The following ERCC6L2 variants were observed in gnomAD, a reference collection of about 807,000 sequenced individuals.
ERCC6L2 encodes the protein DNA excision repair protein ERCC-6-like 2.
In ERCC6L2, 77 loss-of-function variants were observed where a neutral mutation model predicts 132.0. The observed-to-expected ratio is 0.58, with a 90% CI of 0.49 to 0.71. The LOEUF (loss-of-function observed/expected upper bound fraction) is 0.71. Ranked by LOEUF, ERCC6L2 falls within the 30% of genes least tolerant of loss-of-function variation. The probability of loss-of-function intolerance (pLI) is 0.00; values close to 1 mark genes in which losing one functional copy is unlikely to be tolerated. For synonymous variants in ERCC6L2, 583 were observed against 632.4 expected, an observed-to-expected ratio of 0.92 and a Z score of 1.17; for missense variants, 1,542 against 1,837.6, an observed-to-expected ratio of 0.84 and a Z score of 2.94.
At chr9:95,999,821 GTAAA>G (rs368171323) in intron 17 of ERCC6L2, among the ~76,000 whole-genome samples, 81 of 151,742 alleles carry the variant, frequency 5.3e-4, no homozygotes, top group African/African-American at 1.9e-3. Context: ...TTTTGTGATA[GTAAA>G]TAAATGCATC....
chr9:95,951,451 T>C lies in ERCC6L2; in HGVS notation c.1848-4463T>C, dbSNP rs763292211. 5.9e-5 allele frequency among the ~76,000 whole-genome samples: 9 copies of C among 151,880 alleles called. No individual in the cohort carries two copies. In the South Asian group the frequency reaches 6.2e-4, roughly 11 times the overall value. On this transcript the variant is annotated intron_variant, in intron 12 of 18. Coordinates refer to ENST00000653738, the MANE Select transcript of ERCC6L2 (RefSeq NM_020207.7). ...AGCCAGAGGAAGGAAATAACAAATATTAGAACAGAGATAAGTAAAACAAAG... is the reference window on the plus strand; with the variant it reads ...AGCCAGAGGAAGGAAATAACAAATACTAGAACAGAGATAAGTAAAACAAAG...
At chr9:95,953,263 G>C (rs912777679) in intron 12 of ERCC6L2, among the ~76,000 whole-genome samples, 2 of 152,278 alleles carry the variant, frequency 1.3e-5, no homozygotes, top group Middle Eastern at 3.4e-3. Flanking sequence ...GAAATCAAGA[G>C]AGAAAAATTT....
At chr9:95,910,715 C>T (rs1197101154) in intron 4 of ERCC6L2, among the ~76,000 whole-genome samples, 1 of 152,106 alleles carries the variant, frequency 6.6e-6, no homozygotes, top group African/African-American at 2.4e-5. Flanking sequence ...TATGGAGCTA[C>T]CACTTTTGTC....
intron 9 of ERCC6L2, 64 bp from the exon 10 acceptor site, chr9:95,928,015 T>C: frequency 9.6e-7 from 1 of 1,039,062 alleles, no homozygotes; most frequent in Non-Finnish European, 1.5e-6. Context: ...CAAGTGATGT[T>C]TATATGTATA....
intron 19 of ERCC6L2, among the ~76,000 whole-genome samples, chr9:96,037,238 T>A (rs1834530976): frequency 1.3e-5 from 2 of 152,196 alleles, no homozygotes; most frequent in South Asian, 4.1e-4. Context: ...CCCGTCCCTG[T>A]GCGTGGAGAG....
intron 2 of ERCC6L2, among the ~76,000 whole-genome samples, chr9:95,884,208 T>C (rs1827744474): frequency 6.6e-6 from 1 of 152,198 alleles, no homozygotes. Context: ...GCACTAATTT[T>C]GATACTCAGA....
chr9:95,910,587 G>A (rs998970644), intron 4 of ERCC6L2, among the ~76,000 whole-genome samples: 2 of 152,074 alleles, frequency 1.3e-5, no homozygotes, highest in South Asian at 2.1e-4. Context: ...CAGTATATCT[G>A]TTCTTAATAT....
At position 95,881,123 on chromosome 9, in the gene ERCC6L2, T is replaced by A. The variant is rs763229325; in HGVS notation, c.301T>A (p.Ser101Thr). The change falls in exon 2 of 19, where the codon TCA becomes ACA. Residue 101 changes from serine (S) to threonine (T), a missense_variant. Physicochemically the swap from Ser to Thr is moderately conservative, Grantham distance 58 (BLOSUM62 1). Around this residue, in one of 4 missense-constraint regions of ERCC6L2, gnomAD observed 153 missense variants for 132.3 expected, o/e 1.16. Coordinates refer to ENST00000653738, the MANE Select transcript of ERCC6L2 (RefSeq NM_020207.7). ...TTATTTCCCAAACCGAAAATTTCCA[T>A]CATCTTCTGTTGCTTTTAAATTATC... ...KPYFPNRKFP[S>T]SSVAFKLSDN... 1.9e-6 allele frequency: 3 copies of A among 1,613,630 alleles called. No homozygotes were observed. The African/African-American group carries it at 4.0e-5, about 22-fold the overall frequency.
chr9:95,980,201 CCTT>C (rs905343353), intron 17 of ERCC6L2, among the ~76,000 whole-genome samples: 37 of 152,232 alleles, frequency 2.4e-4, no homozygotes, highest in African/African-American at 8.9e-4. Context: ...TCATTAGAAA[CCTT>C]GTCTCTTCAC....
chr9:95,937,814 T>G (rs980288516), intron 11 of ERCC6L2, among the ~76,000 whole-genome samples: 41 of 151,854 alleles, frequency 2.7e-4, no homozygotes, highest in African/African-American at 9.6e-4. Context: ...GTTTTATTGA[T>G]TCTGCTTTTT....
intron 12 of ERCC6L2, among the ~76,000 whole-genome samples, chr9:95,948,259 G>T (rs188350186): frequency 6.6e-6 from 1 of 152,174 alleles, no homozygotes; most frequent in African/African-American, 2.4e-5. Flanking sequence ...TGAGGAGTTC[G>T]ACTTTAGTAG....
chr9:95,891,451 A>C (rs571927532), intron 2 of ERCC6L2, among the ~76,000 whole-genome samples: 3 of 152,022 alleles, frequency 2.0e-5, no homozygotes, highest in South Asian at 2.1e-4. Flanking sequence ...ATGTTGTGCA[A>C]CTCCCACCTC....
intron 1 of ERCC6L2, among the ~76,000 whole-genome samples, chr9:95,877,422 C>T (rs984665689): frequency 2.0e-5 from 3 of 151,684 alleles, no homozygotes; most frequent in African/African-American, 7.3e-5. Context: ...TTTCTCAATA[C>T]TCCCTTCTCA....
chr9:95,970,257 G>A (rs1485330689), intron 14 of ERCC6L2, among the ~76,000 whole-genome samples: 2 of 151,936 alleles, frequency 1.3e-5, no homozygotes, highest in African/African-American at 4.8e-5. Flanking sequence ...TATCATACTG[G>A]GTAAATATTT....
chr9:95,913,671 A>C (rs1184357867), intron 4 of ERCC6L2, among the ~76,000 whole-genome samples: 1 of 152,196 alleles, frequency 6.6e-6, no homozygotes, highest in Non-Finnish European at 1.5e-5. Flanking sequence ...CCCTGCTTCC[A>C]TCTCCAGTCC....
intron 12 of ERCC6L2, 143 bp downstream of exon 12, chr9:95,941,692 CCTT>C (rs1830810238): frequency 6.5e-6 from 4 of 615,662 alleles, no homozygotes; most frequent in Non-Finnish European, 1.1e-5. Flanking sequence ...ATAATCCTGA[CCTT>C]CTCAATCCAA....
chr9:95,888,156 T>C (rs544480280), intron 2 of ERCC6L2, among the ~76,000 whole-genome samples: 3 of 152,070 alleles, frequency 2.0e-5, no homozygotes, highest in Admixed American at 2.0e-4. Flanking sequence ...TCCCAGGAAG[T>C]TGAAAAATAA....
chr9:95,973,372 T>G (rs1004423120), intron 16 of ERCC6L2, among the ~76,000 whole-genome samples: 2 of 152,180 alleles, frequency 1.3e-5, no homozygotes, highest in African/African-American at 4.8e-5. Context: ...AATTACTTAT[T>G]TACATTTATA....
chr9:95,980,295 C>T (rs1459046193), intron 17 of ERCC6L2, among the ~76,000 whole-genome samples: 2 of 152,110 alleles, frequency 1.3e-5, no homozygotes, highest in Non-Finnish European at 2.9e-5. Flanking sequence ...ATATACCCTT[C>T]GAGGCCATCT....
Sources: allele counts gnomAD v4.1 joint callset (sites outside exome capture counted in the v4.1 genomes callset), GRCh38; gene constraint gnomAD v4.1.1; regional missense constraint gnomAD v4.1.1; transcripts MANE v1.5; gene names NCBI Gene and HGNC (gene_info 2026-07-23, HGNC 2026-07-21).